Variants in ZNF577 observed in about 807,000 individuals in gnomAD.
The protein encoded by ZNF577 is zinc finger protein 577.
ZNF577 carries 14 observed loss-of-function variants against 13.9 expected under a neutral mutation model. That is an observed-to-expected ratio of 1.00 (90% CI 0.66 to 1.57). The LOEUF (loss-of-function observed/expected upper bound fraction) is 1.57, where lower values mean the gene tolerates loss of function less well. Ranked by LOEUF, ZNF577 falls within the 40% of genes most tolerant of loss-of-function variation. ZNF577 has a pLI of 0.00. For synonymous variants in ZNF577, 203 were observed against 202.9 expected (o/e 1.00, Z 0.00); for missense variants, 555 against 579.2 (o/e 0.96, Z 0.43).
chr19:51,878,328 G>T, intron 4 of ZNF577, 61 bp downstream of exon 4: 1 of 1,540,484 alleles, frequency 6.5e-7, no homozygotes, highest in Non-Finnish European at 8.8e-7. Flanking sequence ...AATATTTATG[G>T]GACCGTACAG....
At chr19:51,865,026 G>C (rs2084544830), downstream of ZNF577, among the ~76,000 whole-genome samples, 1 of 152,184 alleles carries the variant, frequency 6.6e-6, no homozygotes, top group Admixed American at 6.5e-5. Flanking sequence ...TCACATAAAT[G>C]TAAGTGCTGT....
At chr19:51,873,728 T>C (rs371699484) in intron 5 of ZNF577, 22 bp from the exon 6 acceptor site, 11 of 1,557,870 alleles carry the variant, frequency 7.1e-6, no homozygotes, top group Non-Finnish European at 8.7e-6. Context: ...TTCAAACTTT[T>C]ACAATGCGAG....
chr19:51,860,839 T>G lies in ZNF577; in HGVS notation c.284-15908A>C, dbSNP rs567663093. The G allele has an allele frequency of 2.2e-5, 8 of 357,780 alleles. No homozygotes were observed. The East Asian group carries it at 8.2e-4, about 37-fold the overall frequency. The allele number at this position is 357,780 out of a possible 1,614,324, so 22.2% of individuals were successfully genotyped here. ...CTTTATCACAATCACATTCACTGTATCTATGAGATTTCTCTCGTAAACAAG... is the reference window on the plus strand; with the variant it reads ...CTTTATCACAATCACATTCACTGTAGCTATGAGATTTCTCTCGTAAACAAG... On this transcript the variant is annotated intron_variant and NMD_transcript_variant, in intron 5 of 10. Coordinates refer to the ZNF577 transcript ENST00000638827.
rs537527931 is a variant in ZNF577, at chr19:51,872,470, T to C, written c.*62A>G. 5.5e-4 allele frequency: 760 copies of C among 1,371,582 alleles called. No homozygotes were observed. Among genetic ancestry groups the C allele is most frequent in the Non-Finnish European group, 7.0e-4 (719 of 1,027,682 alleles). The allele number at this position is 1,371,582 out of a possible 1,614,324, so 85.0% of individuals were successfully genotyped here. ...GTGTTTCAGCCCTAAATGAGCTCTCTGGGATATAATGGCTGGAGGATTCCT... is the reference window on the plus strand; with the variant it reads ...GTGTTTCAGCCCTAAATGAGCTCTCCGGGATATAATGGCTGGAGGATTCCT... On this transcript the variant is annotated 3_prime_UTR_variant, in exon 6 of 6. Transcript: ENST00000638348.
chr19:51,846,144 G>C (rs1190603116), intron 5 of ZNF577, among the ~76,000 whole-genome samples: 1 of 152,116 alleles, frequency 6.6e-6, no homozygotes. Context: ...CTCCTGAGTA[G>C]TTGGGACTAC....
rs117384033 is a variant in ZNF577 at position 51,880,832 on chromosome 19, C to A, written c.-173G>T. On this transcript the variant is annotated 5_prime_UTR_variant, in exon 2 of 6. Coordinates refer to ENST00000638348, the MANE Select transcript of ZNF577 (RefSeq NM_001370449.1). Reference sequence around the variant, plus strand: ...ATGATGATCTTCCCCAGCCTGGAAGCTCCTTCTTCCATTACTGAAAATGTC... The same window carrying A: ...ATGATGATCTTCCCCAGCCTGGAAGATCCTTCTTCCATTACTGAAAATGTC... 13,481 of 158,870 alleles carry A rather than the reference C, an allele frequency of 0.085. 676 individuals carry two copies. Among genetic ancestry groups the A allele is most frequent in the East Asian group, 0.21 (1,097 of 5,280 alleles). 9.8% of individuals were successfully genotyped at this position (158,870 alleles called of 1,614,324 possible).
intron 9 of ZNF577, among the ~76,000 whole-genome samples, chr19:51,833,790 T>C (rs2084273378): frequency 6.6e-6 from 1 of 152,144 alleles, no homozygotes; most frequent in South Asian, 2.1e-4. Context: ...AGTTGACTGA[T>C]TTTATGAGGC....
At position 51,807,216 on chromosome 19, in the gene ZNF577, TGG is replaced by T. The variant is rs111702324; in HGVS notation, c.*818-1964_*818-1963del. ...ATCAGGCAAAAGAGATAGCAGGAAG[TGG>T]GGGGGGTGGTTGCTGGCTAGCAGCC... On this transcript the variant is annotated intron_variant and NMD_transcript_variant, in intron 10 of 10. Transcript: ENST00000638827. 4.6e-3 allele frequency among the ~76,000 whole-genome samples: 698 copies of T among 151,452 alleles called. 7 individuals carry two copies. The highest frequency in any genetic ancestry group is 0.015 in the African/African-American group (639 of 41,302).
chr19:51,844,394 G>T (rs17762172), intron 6 of ZNF577, among the ~76,000 whole-genome samples: 10,793 of 152,144 alleles, frequency 0.071, 600 homozygotes, highest in South Asian at 0.23. Flanking sequence ...TCTTCACACT[G>T]GATGCCCAGG....
At chr19:51,832,238 T>C in intron 9 of ZNF577, among the ~76,000 whole-genome samples, 1 of 152,200 alleles carries the variant, frequency 6.6e-6, no homozygotes, top group Non-Finnish European at 1.5e-5. Context: ...CAGAGTTTGT[T>C]AAGCCTGAGG....
chr19:51,807,112 T>C (rs114145425), intron 10 of ZNF577, among the ~76,000 whole-genome samples: 1,767 of 151,224 alleles, frequency 0.012, 29 homozygotes, highest in African/African-American at 0.04. Flanking sequence ...GATAAAAGAG[T>C]ATATTTGGAA....
rs1364563181 is a variant in ZNF577 at position 51,870,990 on chromosome 19, G to C, written c.*1542C>G. Among the ~76,000 whole-genome samples the C allele has an allele frequency of 6.6e-6, 1 of 152,062 alleles. No homozygotes were observed. Among genetic ancestry groups the C allele is most frequent in the African/African-American group, 2.4e-5 (1 of 41,392 alleles). Reference sequence around the variant, plus strand: ...TTAAGGCAGGAGATTATATACATTAGACATTTACTGTAAAAGAAAAAGGGA... The same window carrying C: ...TTAAGGCAGGAGATTATATACATTACACATTTACTGTAAAAGAAAAAGGGA... On this transcript the variant is annotated 3_prime_UTR_variant, in exon 6 of 6. Coordinates refer to ENST00000638348, the MANE Select transcript of ZNF577 (RefSeq NM_001370449.1).
intron 9 of ZNF577, among the ~76,000 whole-genome samples, chr19:51,831,763 G>T (rs1383238335): frequency 6.6e-6 from 1 of 151,920 alleles, no homozygotes; most frequent in Non-Finnish European, 1.5e-5. Context: ...TCCTTCTGAT[G>T]GTCTTCCTCA....
chr19:51,836,262 G>C (rs757123850), intron 9 of ZNF577, among the ~76,000 whole-genome samples: 3 of 152,160 alleles, frequency 2.0e-5, no homozygotes, highest in Non-Finnish European at 4.4e-5. Flanking sequence ...TGGAGTATCT[G>C]ACTAGTATAA....
rs7255231 is a variant in ZNF577 at position 51,852,938 on chromosome 19, T to C, written c.284-8007A>G. On this transcript the variant is annotated intron_variant and NMD_transcript_variant, in intron 5 of 10. Transcript: ENST00000638827. ...TTAAAAGACAGTTTTCTTTTCTTTTTTTTTTTCTTTGAGACAGGGTTTCAC... is the reference window on the plus strand; with the variant it reads ...TTAAAAGACAGTTTTCTTTTCTTTTCTTTTTTCTTTGAGACAGGGTTTCAC... 6.7e-4 allele frequency among the ~76,000 whole-genome samples: 100 copies of C among 149,032 alleles called. 1 individual carries two copies. Among genetic ancestry groups the C allele is most frequent in the Admixed American group, 2.1e-3 (32 of 15,184 alleles).
intron 3 of ZNF577, 132 bp downstream of exon 3, chr19:51,880,191 T>C: frequency 2.0e-6 from 2 of 982,050 alleles, no homozygotes; most frequent in South Asian, 1.4e-5. Flanking sequence ...CTTACCCCAC[T>C]AAACAACAGG....
intron 5 of ZNF577, among the ~76,000 whole-genome samples, chr19:51,848,374 GA>G (rs1450012986): frequency 1.3e-5 from 2 of 152,210 alleles, no homozygotes; most frequent in Non-Finnish European, 2.9e-5. Context: ...CTAAGACGCG[GA>G]AGACGCTGGG....
intron 10 of ZNF577, among the ~76,000 whole-genome samples, chr19:51,808,770 G>A (rs7253457): frequency 6.6e-6 from 1 of 152,218 alleles, no homozygotes; most frequent in African/African-American, 2.4e-5. Flanking sequence ...TACATGAATA[G>A]CTCTTAAATC....
chr19:51,873,318 G>A lies in ZNF577; in HGVS notation c.672C>T (p.Ser224=). ...HECSECGKAF[S]RKSQLMVHQR... ...GATGGACCATGAGCTGTGACTTTCTGGAGAAGGCTTTTCCACATTCACTAC... is the reference window on the plus strand; with the variant it reads ...GATGGACCATGAGCTGTGACTTTCTAGAGAAGGCTTTTCCACATTCACTAC... The change falls in exon 6 of 6, where the codon TCC becomes TCT. Residue 224 remains serine (S), a synonymous_variant. Coordinates refer to ENST00000638348, the MANE Select transcript of ZNF577 (RefSeq NM_001370449.1). 6.2e-7 allele frequency: 1 copy of A among 1,614,088 alleles called. No homozygotes were observed. The highest frequency in any genetic ancestry group is 8.5e-7 in the Non-Finnish European group (1 of 1,180,008).
Sources: gnomAD v4.1 joint callset for allele counts (sites outside exome capture counted in the v4.1 genomes callset) on GRCh38, gnomAD v4.1.1 for gene constraint, MANE v1.5 for transcripts, NCBI Gene and HGNC (gene_info 2026-07-23, HGNC 2026-07-21) for gene names.